Variants in OTOGL observed in about 807,000 individuals in gnomAD.
The protein encoded by OTOGL is otogelin-like protein.
In OTOGL, 285 loss-of-function variants were observed where a neutral mutation model predicts 318.5. The observed-to-expected ratio is 0.89, with a 90% CI of 0.81 to 0.99. OTOGL has a LOEUF of 0.99. Ranked by LOEUF, OTOGL falls within the 50% of genes least tolerant of loss-of-function variation. The pLI, the probability that OTOGL is intolerant of heterozygous loss-of-function variation, is 0.00. For synonymous variants in OTOGL, 987 were observed against 936.5 expected (o/e 1.05, Z -0.99); for missense variants, 2,899 against 2,845.6 (o/e 1.02, Z -0.43).
chr12:80,143,487 T>C (rs1872090947), intron 1 of OTOGL, among the ~76,000 whole-genome samples: 1 of 152,080 alleles, frequency 6.6e-6, no homozygotes, highest in Admixed American at 6.5e-5. Flanking sequence ...GTGTTCTTCC[T>C]CTCTTTCCCT....
chr12:80,115,999 G>A (rs1293830824), intron 1 of OTOGL, among the ~76,000 whole-genome samples: 1 of 90,088 alleles, frequency 1.1e-5, no homozygotes, highest in Admixed American at 9.2e-5. Flanking sequence ...TGTGGGACTG[G>A]GATTTGACGA....
chr12:80,147,844 T>A (rs1872507073), intron 1 of OTOGL, among the ~76,000 whole-genome samples: 1 of 152,220 alleles, frequency 6.6e-6, no homozygotes, highest in South Asian at 2.1e-4. Flanking sequence ...TTTATTGGTT[T>A]AAAGTCTGTT....
At chr12:80,167,059 T>A (rs56991873) in intron 1 of OTOGL, among the ~76,000 whole-genome samples, 3,675 of 152,306 alleles carry the variant, frequency 0.024, 156 homozygotes, top group African/African-American at 0.083. Flanking sequence ...ATTGATTTTT[T>A]AAAATATTGC....
intron 24 of OTOGL, among the ~76,000 whole-genome samples, chr12:80,275,917 A>G (rs1338121493): frequency 2.0e-5 from 3 of 151,562 alleles, no homozygotes; most frequent in Non-Finnish European, 4.4e-5. Flanking sequence ...CATTTAATAG[A>G]CTATGCTGTA....
At chr12:80,154,060 G>A (rs1023425797) in intron 1 of OTOGL, among the ~76,000 whole-genome samples, 1 of 152,180 alleles carries the variant, frequency 6.6e-6, no homozygotes, top group African/African-American at 2.4e-5. Flanking sequence ...TGTAATCCCA[G>A]CACTTTGGGA....
intron 19 of OTOGL, among the ~76,000 whole-genome samples, chr12:80,264,131 T>G (rs990564033): frequency 6.6e-6 from 1 of 152,098 alleles, no homozygotes; most frequent in Non-Finnish European, 1.5e-5. Context: ...ACAATGACAA[T>G]GAAAAGATTG....
intron 43 of OTOGL, 54 bp downstream of exon 43, chr12:80,339,318 T>TTC: frequency 7.2e-7 from 1 of 1,385,224 alleles, no homozygotes; most frequent in Non-Finnish European, 9.8e-7. Context: ...TTTTTTTTTT[T>TTC]TTTTTCTATT....
intron 1 of OTOGL, among the ~76,000 whole-genome samples, chr12:80,149,899 A>G (rs1341439005): frequency 2.0e-5 from 3 of 151,796 alleles, no homozygotes; most frequent in East Asian, 1.9e-4. Flanking sequence ...GCAATGCCTC[A>G]CCCTGCTTCG....
intron 1 of OTOGL, among the ~76,000 whole-genome samples, chr12:80,175,168 A>G (rs922617454): frequency 6.6e-6 from 1 of 152,132 alleles, no homozygotes; most frequent in African/African-American, 2.4e-5. Flanking sequence ...GGAAATAAAA[A>G]CAAGGATGTG....
rs185590607 is a variant in OTOGL at position 80,175,481 on chromosome 12, A to G, written c.-19-33932A>G. ...GTCACTTGTAGCATTGCCTTGCTCT[A>G]TGAGAAAACTTGCAGATAAAGACTC... On this transcript the variant is annotated intron_variant, in intron 1 of 58. Transcript: ENST00000547103. Among the ~76,000 whole-genome samples, 106 of 152,318 alleles carry G rather than the reference A, an allele frequency of 7.0e-4. 1 individual carries two copies. Among genetic ancestry groups the G allele is most frequent in the South Asian group, 2.1e-3 (10 of 4,830 alleles).
chr12:80,304,695 A>G (rs954700317), intron 28 of OTOGL, among the ~76,000 whole-genome samples: 1 of 152,170 alleles, frequency 6.6e-6, no homozygotes, highest in East Asian at 1.9e-4. Context: ...TCTTTCTTCA[A>G]TGAATATTCT....
chr12:80,345,824 G>A (rs1592736088), intron 44 of OTOGL, among the ~76,000 whole-genome samples: 1 of 152,198 alleles, frequency 6.6e-6, no homozygotes, highest in East Asian at 1.9e-4. Context: ...GAAACTAAAA[G>A]AGACCCTTAC....
At chr12:80,377,585 A>G (rs1891237648) in intron 58 of OTOGL, among the ~76,000 whole-genome samples, 1 of 152,160 alleles carries the variant, frequency 6.6e-6, no homozygotes, top group Non-Finnish European at 1.5e-5. Flanking sequence ...TATTGTGATT[A>G]ACATATTCCA....
intron 1 of OTOGL, among the ~76,000 whole-genome samples, chr12:80,123,254 A>G (rs922131372): frequency 5.3e-5 from 8 of 151,832 alleles, no homozygotes; most frequent in South Asian, 2.1e-4. Flanking sequence ...TCCTTGTTCA[A>G]TTCCCACCTA....
Position 80,379,405 on chromosome 12 carries a change from C to T in OTOGL, c.*1357C>T, listed in dbSNP as rs533942045. 4.6e-5 allele frequency: 7 copies of T among 152,046 alleles called. No individual in the cohort carries two copies. The highest frequency in any genetic ancestry group is 1.2e-4 in the African/African-American group (5 of 41,524). 9.4% of individuals were successfully genotyped at this position (152,046 alleles called of 1,614,324 possible). A position where few individuals can be genotyped will look rare whatever the true frequency, so the allele number is the denominator to read the frequency against. ...AAAATCATGTGTCCCCAAAATATTGCAACTTACTGAATATTTTAGATCTCT... is the reference window on the plus strand; with the variant it reads ...AAAATCATGTGTCCCCAAAATATTGTAACTTACTGAATATTTTAGATCTCT... On this transcript the variant is annotated 3_prime_UTR_variant, in exon 59 of 59. Transcript: ENST00000547103.
intron 1 of OTOGL, among the ~76,000 whole-genome samples, chr12:80,128,682 C>G (rs1871026743): frequency 6.6e-6 from 1 of 152,212 alleles, no homozygotes; most frequent in African/African-American, 2.4e-5. Context: ...CTGTGGTAGG[C>G]TCCACCTAGT....
intron 28 of OTOGL, among the ~76,000 whole-genome samples, chr12:80,305,128 A>G (rs1348196395): frequency 6.6e-6 from 1 of 152,164 alleles, no homozygotes; most frequent in Non-Finnish European, 1.5e-5. Flanking sequence ...TAGGGAATAT[A>G]TCTGCCATTC....
chr12:80,306,794 T>TTTA (rs10668230), intron 29 of OTOGL, among the ~76,000 whole-genome samples: 75,408 of 128,838 alleles, frequency 0.59, 22,841 homozygotes, highest in East Asian at 0.85. Flanking sequence ...TAAATTTTAT[T>TTTA]TTATTATTAT....
chr12:80,112,734 T>C (rs1240224396), intron 1 of OTOGL, among the ~76,000 whole-genome samples: 1 of 150,526 alleles, frequency 6.6e-6, no homozygotes, highest in African/African-American at 2.4e-5. Context: ...GTTGTGTCTC[T>C]GCCAGGCTTT....
Sources: gnomAD v4.1 joint callset for allele counts (sites outside exome capture counted in the v4.1 genomes callset) on GRCh38, gnomAD v4.1.1 for gene constraint, MANE v1.5 for transcripts, NCBI Gene and HGNC (gene_info 2026-07-23, HGNC 2026-07-21) for gene names.